The following PCDHGA9 variants were observed in gnomAD, a reference collection of about 807,000 sequenced individuals.
PCDHGA9 encodes the protein protocadherin gamma-A9.
A neutral mutation model predicts 62.5 loss-of-function variants in PCDHGA9; 37 were observed. That is an observed-to-expected ratio of 0.59 (90% CI 0.46 to 0.78). The LOEUF is 0.78. PCDHGA9 is among the 30% of genes least tolerant of loss of function. The probability of loss-of-function intolerance (pLI) is 0.00; values close to 1 mark genes in which losing one functional copy is unlikely to be tolerated. For synonymous variants in PCDHGA9, 459 were observed against 484.6 expected (o/e 0.95, Z 0.69); for missense variants, 1,138 against 1,166.2 (o/e 0.98, Z 0.35).
At chr5:141,449,537 C>A (rs1377909573) in intron 1 of PCDHGA9, among the ~76,000 whole-genome samples, 1 of 146,334 alleles carries the variant, frequency 6.8e-6, no homozygotes, top group Non-Finnish European at 1.5e-5. Flanking sequence ...TGCAGTGAGC[C>A]GAGATCGCAC....
chr5:141,487,512 C>T lies in PCDHGA9; in HGVS notation c.2425-7295C>T, dbSNP rs372606253. The stretch of plus-strand genomic sequence containing the variant: ...TGTACACCCTTGGCTTCTGCACCCA[C>T]TCGGAGTGATAGCTTCATGATGGTG... On this transcript the variant is annotated intron_variant, in intron 1 of 3. Transcript: ENST00000573521. This position sits in a 1 kb window ranked among gnomAD's most constrained non-coding sequence, Gnocchi z 5.0. 3.7e-6 allele frequency: 6 copies of T among 1,614,082 alleles called. No homozygotes were observed. The highest frequency in any genetic ancestry group is 5.1e-6 in the Non-Finnish European group (6 of 1,180,044).
chr5:141,450,555 C>T (rs958577638), intron 1 of PCDHGA9, among the ~76,000 whole-genome samples: 4 of 151,710 alleles, frequency 2.6e-5, no homozygotes, highest in East Asian at 1.9e-4. Flanking sequence ...GGCGCAGTCT[C>T]GGCTCACTGC....
Position 141,430,721 on chromosome 5 carries a change from T to C in PCDHGA9, c.2424+25345T>C, listed in dbSNP as rs2097305223. The C allele has an allele frequency of 3.4e-6, 5 of 1,489,270 alleles. No homozygotes were observed. The South Asian group carries it at 7.3e-5, about 22-fold the overall frequency. 92.3% of individuals were successfully genotyped at this position (1,489,270 alleles called of 1,614,324 possible). A position where few individuals can be genotyped will look rare whatever the true frequency, so the allele number is the denominator to read the frequency against. On this transcript the variant is annotated intron_variant, in intron 1 of 3. Coordinates refer to ENST00000573521, the MANE Select transcript of PCDHGA9 (RefSeq NM_018921.3). ...AGGAACTGCTCCTGACTTCAGTGGT[T>C]AAGGGCAGAATTGAAAATAATTCTG...
intron 1 of PCDHGA9, among the ~76,000 whole-genome samples, chr5:141,430,366 A>G (rs551419486): frequency 3.3e-5 from 5 of 150,370 alleles, no homozygotes; most frequent in Admixed American, 6.7e-5. Context: ...CTCATTGGGG[A>G]AAAAAAAGCT....
In PCDHGA9 at chr5:141,491,665, C is replaced by A; in HGVS notation, c.2425-3142C>A. 1 of 1,613,764 alleles carries A rather than the reference C, an allele frequency of 6.2e-7. No individual in the cohort carries two copies. Among genetic ancestry groups the A allele is most frequent in the Admixed American group, 1.7e-5 (1 of 60,034 alleles). On this transcript the variant is annotated intron_variant, in intron 1 of 3. Coordinates refer to ENST00000573521, the MANE Select transcript of PCDHGA9 (RefSeq NM_018921.3). The surrounding 1 kb of genome is among the most constrained non-coding windows in gnomAD (Gnocchi z 6.9). ...TCTGGCGCTGGAGCCTGACGCCATCCGGTCCCGCTCTAATACGCTGCGGGA... is the reference window on the plus strand; with the variant it reads ...TCTGGCGCTGGAGCCTGACGCCATCAGGTCCCGCTCTAATACGCTGCGGGA...
rs779250544 is a variant in PCDHGA9, at chr5:141,432,639, G to A, written c.2424+27263G>A. The A allele has an allele frequency of 1.2e-6, 2 of 1,613,816 alleles. No homozygotes were observed. Among genetic ancestry groups the A allele is most frequent in the Non-Finnish European group, 1.7e-6 (2 of 1,179,934 alleles). On this transcript the variant is annotated intron_variant, in intron 1 of 3. Coordinates refer to ENST00000573521, the MANE Select transcript of PCDHGA9 (RefSeq NM_018921.3). This position sits in a 1 kb window ranked among gnomAD's most constrained non-coding sequence, Gnocchi z 6.0. Reference sequence around the variant, plus strand: ...GTGGGTCTGCACACGGGCGAGGTGCGCACGGCGCGAGCCCTGCTGGACAGA... The same window carrying A: ...GTGGGTCTGCACACGGGCGAGGTGCACACGGCGCGAGCCCTGCTGGACAGA...
intron 1 of PCDHGA9, among the ~76,000 whole-genome samples, chr5:141,469,375 G>C (rs942714664): frequency 2.0e-5 from 3 of 152,076 alleles, no homozygotes; most frequent in African/African-American, 7.2e-5. Flanking sequence ...AAGAGATCGA[G>C]ACCATCCTGG....
In PCDHGA9 at chr5:141,505,470, C is replaced by G; in HGVS notation, c.2561C>G (p.Ala854Gly). 6.2e-7 allele frequency: 1 copy of G among 1,614,186 alleles called. No individual in the cohort carries two copies. Among genetic ancestry groups the G allele is most frequent in the Non-Finnish European group, 8.5e-7 (1 of 1,180,002 alleles). Residue 854 changes from alanine to glycine, a missense_variant, in exon 3 of 4, where the codon GCG (alanine) becomes GGG (glycine). Ala to Gly is a moderately conservative substitution (Grantham distance 60). Transcript: ENST00000573521. ...GAGATGCTGCAAGCCATGATCTTGG[C>G]GTCCGCCAGTGGTAAGTGGTGTCAG... The part of the protein sequence containing the change: ...DTEMLQAMIL[A>G]SASEAADGSS...
Position 141,477,161 on chromosome 5 carries a change from G to A in PCDHGA9, c.2425-17646G>A, listed in dbSNP as rs761453939. On this transcript the variant is annotated intron_variant, in intron 1 of 3. Transcript: ENST00000573521. The surrounding 1 kb of genome is among the most constrained non-coding windows in gnomAD (Gnocchi z 4.9). ...GGAGGTTGTGGATGTGAATGACAAC[G>A]CCCCGGAGATCACAGTCACCTCCGT... 1.9e-6 allele frequency: 3 copies of A among 1,613,988 alleles called. No individual in the cohort carries two copies. The highest frequency in any genetic ancestry group is 2.7e-5 in the African/African-American group (2 of 74,904).
rs1486545769 is a variant in PCDHGA9 at position 141,431,780 on chromosome 5, A to T, written c.2424+26404A>T. On this transcript the variant is annotated intron_variant, in intron 1 of 3. Coordinates refer to ENST00000573521, the MANE Select transcript of PCDHGA9 (RefSeq NM_018921.3). This position sits in a 1 kb window ranked among gnomAD's most constrained non-coding sequence, Gnocchi z 4.8. The stretch of plus-strand genomic sequence containing the variant: ...AGTCCTGATCACTGTTCTGGACGTG[A>T]ACGACAATGCCCCAGAAGTGGTCCT... 4 of 1,614,086 alleles carry T rather than the reference A, an allele frequency of 2.5e-6. No homozygotes were observed. The highest frequency in any genetic ancestry group is 3.4e-6 in the Non-Finnish European group (4 of 1,180,028).
intron 1 of PCDHGA9, chr5:141,409,744 G>A (rs1255485257): frequency 6.2e-7 from 1 of 1,612,978 alleles, no homozygotes; most frequent in Non-Finnish European, 8.5e-7. Flanking sequence ...GCGGGGTGGT[G>A]TTCGCGCAGC....
In PCDHGA9 at chr5:141,491,786, C is replaced by T; in HGVS notation, c.2425-3021C>T. The stretch of plus-strand genomic sequence containing the variant: ...CCTCATAAGGGATTGAACTTGCATC[C>T]ACTCCTCTCCGGCCGGCTTGGTCGC... On this transcript the variant is annotated intron_variant, in intron 1 of 3. Coordinates refer to ENST00000573521, the MANE Select transcript of PCDHGA9 (RefSeq NM_018921.3). This position sits in a 1 kb window ranked among gnomAD's most constrained non-coding sequence, Gnocchi z 6.9. The T allele has an allele frequency of 1.3e-6, 2 of 1,529,640 alleles. No individual in the cohort carries two copies. The highest frequency in any genetic ancestry group is 2.5e-5 in the South Asian group (2 of 80,832). The allele number at this position is 1,529,640 out of a possible 1,614,324, so 94.8% of individuals were successfully genotyped here.
intron 1 of PCDHGA9, chr5:141,419,230 C>G (rs1439568232): frequency 6.2e-7 from 1 of 1,613,910 alleles, no homozygotes; most frequent in Non-Finnish European, 8.5e-7. Context: ...AGTCAGCCTA[C>G]CTGGTCCACG....
In PCDHGA9 at chr5:141,403,592, G is replaced by A. The variant is rs779516418; in HGVS notation, c.640G>A (p.Ala214Thr). 6.2e-7 allele frequency: 1 copy of A among 1,613,850 alleles called. No individual in the cohort carries two copies. The highest frequency in any genetic ancestry group is 8.5e-7 in the Non-Finnish European group (1 of 1,179,898). Residue 214 changes from alanine to threonine, a missense_variant, in exon 1 of 4, where the codon GCC becomes ACC. Transcript: ENST00000573521. ...EATAHHLVLT[A>T]SDGGEPRRSS... ...AACTGCCCACCACCTGGTCCTCACG[G>A]CCTCGGATGGCGGCGAGCCGCGTCG...
chr5:141,477,502 C>A lies in PCDHGA9; in HGVS notation c.2425-17305C>A, dbSNP rs2099412065. On this transcript the variant is annotated intron_variant, in intron 1 of 3. Coordinates refer to ENST00000573521, the MANE Select transcript of PCDHGA9 (RefSeq NM_018921.3). This position sits in a 1 kb window ranked among gnomAD's most constrained non-coding sequence, Gnocchi z 4.9. ...CTCCACAATCTTCTCAATCTTCCTA[C>A]GACGTTTACATTGAAGAAAACAACC... The A allele has an allele frequency of 9.3e-6, 15 of 1,614,026 alleles. No homozygotes were observed. The highest frequency in any genetic ancestry group is 1.3e-5 in the Non-Finnish European group (15 of 1,180,026).
chr5:141,494,845 C>G lies in PCDHGA9; in HGVS notation c.2463C>G (p.Ala821=), dbSNP rs747484430. The part of the protein sequence containing the change: ...PPNTDWRFSQ[A]QRPGTSGSQN... Reference sequence around the variant, plus strand: ...ACACGGACTGGCGTTTCTCTCAGGCCCAGAGACCCGGCACCAGCGGGTAGG... The same window carrying G: ...ACACGGACTGGCGTTTCTCTCAGGCGCAGAGACCCGGCACCAGCGGGTAGG... The change falls in exon 2 of 4, where the codon GCC becomes GCG. Residue 821 remains alanine, a synonymous_variant. Transcript: ENST00000573521. 1.2e-6 allele frequency: 2 copies of G among 1,614,144 alleles called. No individual in the cohort carries two copies. The highest frequency in any genetic ancestry group is 1.7e-6 in the Non-Finnish European group (2 of 1,180,028).
At chr5:141,433,326 A>G in intron 1 of PCDHGA9, 1 of 726,596 alleles carries the variant, frequency 1.4e-6, no homozygotes. Context: ...CCGGTGTAAC[A>G]GGGACTACAG....
At chr5:141,442,759 A>G (rs2098341868) in intron 1 of PCDHGA9, among the ~76,000 whole-genome samples, 1 of 152,152 alleles carries the variant, frequency 6.6e-6, no homozygotes, top group Non-Finnish European at 1.5e-5. Flanking sequence ...GATTATATAT[A>G]TTTGTATGTG....
chr5:141,486,940 A>T lies in PCDHGA9; in HGVS notation c.2425-7867A>T. ...CTCCATCAGTTGGTGCTGGCCACCTAATCACAAAGGTGACTGCTGTGGACT... is the reference window on the plus strand; with the variant it reads ...CTCCATCAGTTGGTGCTGGCCACCTTATCACAAAGGTGACTGCTGTGGACT... On this transcript the variant is annotated intron_variant, in intron 1 of 3. Coordinates refer to ENST00000573521, the MANE Select transcript of PCDHGA9 (RefSeq NM_018921.3). This position sits in a 1 kb window ranked among gnomAD's most constrained non-coding sequence, Gnocchi z 5.0. 6.2e-7 allele frequency: 1 copy of T among 1,614,188 alleles called. No homozygotes were observed. Among genetic ancestry groups the T allele is most frequent in the Non-Finnish European group, 8.5e-7 (1 of 1,180,032 alleles).
Sources: gnomAD v4.1 joint callset for allele counts (sites outside exome capture counted in the v4.1 genomes callset) on GRCh38, gnomAD v4.1.1 for gene constraint, Gnocchi (gnomAD v3.1) non-coding constraint, MANE v1.5 for transcripts, NCBI Gene and HGNC (gene_info 2026-07-23, HGNC 2026-07-21) for gene names.